Variants in RMC1 observed in about 807,000 individuals in gnomAD.
The protein encoded by RMC1 is regulator of MON1-CCZ1 complex.
RMC1 carries 44 observed loss-of-function variants against 95.5 expected under a neutral mutation model. That is an observed-to-expected ratio of 0.46 (90% CI 0.36 to 0.59). The LOEUF (loss-of-function observed/expected upper bound fraction) is 0.59. Among genes scored for constraint, RMC1 ranks in the 20% least tolerant of loss-of-function variants. The pLI is 0.00. For synonymous variants in RMC1, 320 were observed against 303.6 expected, an observed-to-expected ratio of 1.05 and a Z score of -0.56; for missense variants, 705 against 819.6, an observed-to-expected ratio of 0.86 and a Z score of 1.71.
intron 13 of RMC1, 25 bp from the exon 14 acceptor site, chr18:23,527,770 G>C (rs779244233): frequency 8.8e-6 from 14 of 1,586,928 alleles, no homozygotes; most frequent in Non-Finnish European, 1.1e-5. Context: ...GGTTTGATCC[G>C]TGTGTGAACA....
chr18:23,529,368 G>T (rs768230598), intron 15 of RMC1, 70 bp downstream of exon 15: 1 of 1,543,116 alleles, frequency 6.5e-7, no homozygotes, highest in East Asian at 2.3e-5. Context: ...AAAACGAGGA[G>T]ACTTCATGTG....
At chr18:23,503,887 G>T (rs534502879) in intron 1 of RMC1, among the ~76,000 whole-genome samples, 167 bp downstream of exon 1, 11 of 152,126 alleles carry the variant, frequency 7.2e-5, no homozygotes, top group African/African-American at 1.2e-4. Flanking sequence ...GCTCAGCCGC[G>T]GCCAGGTGTC....
chr18:23,523,556 A>AAAG (rs2058203653), intron 10 of RMC1, among the ~76,000 whole-genome samples: 2 of 112,982 alleles, frequency 1.8e-5, no homozygotes, highest in Non-Finnish European at 4.3e-5. Context: ...AAAAAAAAAA[A>AAAG]AAAAAAAAAA....
intron 13 of RMC1, 48 bp downstream of exon 13, chr18:23,526,813 G>A (rs372401506): frequency 6.3e-7 from 1 of 1,598,294 alleles, no homozygotes; most frequent in African/African-American, 1.3e-5. Flanking sequence ...TGAGGCCTGT[G>A]CTGCCCAACA....
At chr18:23,523,099 A>C (rs1336930867) in intron 10 of RMC1, among the ~76,000 whole-genome samples, 2 of 152,256 alleles carry the variant, frequency 1.3e-5, no homozygotes, top group East Asian at 1.9e-4. Flanking sequence ...CACTCGGCGC[A>C]GACCTTGACA....
At chr18:23,524,704 CCATT>C (rs1442760588) in intron 12 of RMC1, among the ~76,000 whole-genome samples, 1 of 151,892 alleles carries the variant, frequency 6.6e-6, no homozygotes, top group Non-Finnish European at 1.5e-5. Flanking sequence ...ACTAAGAATG[CCATT>C]CTCCTGCTTA....
At position 23,520,246 on chromosome 18, in the gene RMC1, C is replaced by G. The variant is rs776383921; in HGVS notation, c.894C>G (p.Gly298=). The part of the protein sequence containing the change: ...FDIKLRGEFD[G]SVTFHHPVLP... ...TCAAGTTACGGGGAGAGTTTGACGG[C>G]TCCGTTACCTTCCACCACCCCGTGC... The change falls in exon 10 of 20, where the codon GGC becomes GGG. Residue 298 remains glycine (G), a synonymous_variant. Transcript: ENST00000269221. The G allele has an allele frequency of 8.7e-6, 14 of 1,614,022 alleles. No individual in the cohort carries two copies. In the African/African-American group the frequency reaches 1.6e-4, roughly 18 times the overall value.
At chr18:23,521,486 C>T (rs1385506448) in intron 10 of RMC1, among the ~76,000 whole-genome samples, 2 of 152,182 alleles carry the variant, frequency 1.3e-5, no homozygotes, top group African/African-American at 4.8e-5. Flanking sequence ...TTGGGACTGA[C>T]AGTCACAGTA....
chr18:23,504,488 C>T lies in RMC1; in HGVS notation c.179+41C>T, dbSNP rs773052948. The T allele has an allele frequency of 1.8e-5, 27 of 1,519,610 alleles. No homozygotes were observed. In the Admixed American group the frequency reaches 1.9e-4, roughly 11 times the overall value. 94.1% of individuals were successfully genotyped at this position (1,519,610 alleles called of 1,614,324 possible). The stretch of plus-strand genomic sequence containing the variant: ...CTTTCAGATCATTTTGTCATGTAAA[C>T]AGAATGATGTTTTTCTAATTCAAAT... On this transcript the variant is annotated intron_variant, in intron 2 of 19. Transcript: ENST00000269221.
chr18:23,524,843 A>G (rs1398304508), intron 12 of RMC1, among the ~76,000 whole-genome samples: 1 of 150,692 alleles, frequency 6.6e-6, no homozygotes, highest in Non-Finnish European at 1.5e-5. Flanking sequence ...TCTGTTCTGC[A>G]TGAGCCCGGG....
chr18:23,523,945 T>C (rs891387), intron 10 of RMC1, among the ~76,000 whole-genome samples, 185 bp from the exon 11 acceptor site: 84,424 of 151,984 alleles, frequency 0.56, 24,251 homozygotes, highest in East Asian at 0.91. Flanking sequence ...CCTGGATTGT[T>C]AGCTCCTTCC....
chr18:23,519,726 C>G (rs777130664), intron 9 of RMC1, among the ~76,000 whole-genome samples: 1 of 152,204 alleles, frequency 6.6e-6, no homozygotes, highest in Non-Finnish European at 1.5e-5. Context: ...GGAATCCGCT[C>G]CATTCCACGA....
rs888981962 is a variant in RMC1 at position 23,525,517 on chromosome 18, T to G, written c.1060+1035T>G. On this transcript the variant is annotated intron_variant, in intron 12 of 19. Coordinates refer to ENST00000269221, the MANE Select transcript of RMC1 (RefSeq NM_013326.5). The stretch of plus-strand genomic sequence containing the variant: ...TCGGCTCACTGCAACCTCCAACTCC[T>G]GGGTTTAAGCGATTCTCCTGCCTCA... 5.5e-4 allele frequency among the ~76,000 whole-genome samples: 84 copies of G among 151,830 alleles called. 2 individuals carry two copies. Among genetic ancestry groups the G allele is most frequent in the Non-Finnish European group, 4.3e-4 (29 of 67,946 alleles).
At chr18:23,511,115 G>A (rs1192928430) in intron 5 of RMC1, among the ~76,000 whole-genome samples, 1 of 152,172 alleles carries the variant, frequency 6.6e-6, no homozygotes, top group African/African-American at 2.4e-5. Context: ...AGAAAATGTG[G>A]TACATATATA....
At chr18:23,517,647 A>G (rs2058044152) in intron 7 of RMC1, among the ~76,000 whole-genome samples, 1 of 152,124 alleles carries the variant, frequency 6.6e-6, no homozygotes, top group Admixed American at 6.6e-5. Context: ...TTCAAACTTT[A>G]TGGTAGTTAG....
chr18:23,511,144 C>T (rs1017161001), intron 5 of RMC1, among the ~76,000 whole-genome samples: 2 of 152,180 alleles, frequency 1.3e-5, no homozygotes, highest in African/African-American at 4.8e-5. Context: ...TACTATGCAG[C>T]CATAAAAATG....
intron 2 of RMC1, 41 bp from the exon 3 acceptor site, chr18:23,506,929 A>G: frequency 2.2e-6 from 3 of 1,357,176 alleles, no homozygotes; most frequent in South Asian, 2.4e-5. Context: ...AGTAGCTAGA[A>G]TTCGGTTATT....
At position 23,506,770 on chromosome 18, in the gene RMC1, T is replaced by TG. The variant is rs541379386; in HGVS notation, c.180-199dup. 3.2e-5 allele frequency: 15 copies of TG among 469,174 alleles called. No homozygotes were observed. The East Asian group carries it at 6.3e-4, about 20-fold the overall frequency. 29.1% of individuals were successfully genotyped at this position (469,174 alleles called of 1,614,324 possible). ...TTCAATCACTTGTTACCCATAATAC[T>TG]GTAAGTTTCCCAGCAAGTTCTTTCC... On this transcript the variant is annotated intron_variant, in intron 2 of 19. Transcript: ENST00000269221.
At position 23,524,126 on chromosome 18, in the gene RMC1, G is replaced by A; in HGVS notation, c.962-4G>A. 1 of 1,614,102 alleles carries A rather than the reference G, an allele frequency of 6.2e-7. No homozygotes were observed. Reference sequence around the variant, plus strand: ...CGTTGCACTTATGTTTTCTCAATTTGTAGGTCCTGCTGCCGTGACCAGCCA... The same window carrying A: ...CGTTGCACTTATGTTTTCTCAATTTATAGGTCCTGCTGCCGTGACCAGCCA... On this transcript the variant is annotated splice_region_variant and splice_polypyrimidine_tract_variant and intron_variant, in intron 10 of 19. Coordinates refer to ENST00000269221, the MANE Select transcript of RMC1 (RefSeq NM_013326.5).
Sources: allele counts gnomAD v4.1 joint callset (sites outside exome capture counted in the v4.1 genomes callset), GRCh38; gene constraint gnomAD v4.1.1; transcripts MANE v1.5; gene names NCBI Gene and HGNC (gene_info 2026-07-23, HGNC 2026-07-21).